The following CSMD3 variants were observed in gnomAD, a reference collection of about 807,000 sequenced individuals.
The protein encoded by CSMD3 is CUB and sushi domain-containing protein 3.
CSMD3 carries 177 observed loss-of-function variants against 435.2 expected under a neutral mutation model. The observed-to-expected ratio is 0.41, with a 90% CI of 0.36 to 0.46. CSMD3 has a LOEUF of 0.46. Among genes scored for constraint, CSMD3 ranks in the 20% least tolerant of loss-of-function variants. The pLI is 0.34. For synonymous variants in CSMD3, 1,656 were observed against 1,520.5 expected, an observed-to-expected ratio of 1.09 and a Z score of -2.07; for missense variants, 4,265 against 4,504.6, an observed-to-expected ratio of 0.95 and a Z score of 1.52.
chr8:112,490,963 T>C (rs139588538), intron 31 of CSMD3, among the ~76,000 whole-genome samples: 51 of 152,274 alleles, frequency 3.3e-4, no homozygotes, highest in Non-Finnish European at 6.6e-4. Context: ...AGATGAACCA[T>C]AAATGCAAGT....
chr8:113,434,578 C>T (rs1375019902), intron 1 of CSMD3, among the ~76,000 whole-genome samples: 5 of 152,040 alleles, frequency 3.3e-5, no homozygotes, highest in Non-Finnish European at 7.4e-5. Context: ...AGATGCCTTC[C>T]AAGTGCCCGA....
At chr8:113,180,392 A>G (rs1446439101) in intron 3 of CSMD3, among the ~76,000 whole-genome samples, 4 of 152,014 alleles carry the variant, frequency 2.6e-5, no homozygotes, top group African/African-American at 9.7e-5. Context: ...TTGAGCAAAC[A>G]TTTTATGAGT....
intron 57 of CSMD3, 111 bp from the exon 58 acceptor site, chr8:112,287,357 A>G: frequency 1.1e-6 from 1 of 901,336 alleles, no homozygotes; most frequent in African/African-American, 1.6e-5. Context: ...GTGTTTTAGC[A>G]CAGATGGAGT....
intron 3 of CSMD3, among the ~76,000 whole-genome samples, chr8:113,268,223 C>A (rs932894518): frequency 1.3e-5 from 2 of 151,812 alleles, no homozygotes; most frequent in Non-Finnish European, 3.0e-5. Flanking sequence ...GACTTAAGAG[C>A]ACTCCCCACC....
intron 32 of CSMD3, among the ~76,000 whole-genome samples, chr8:112,436,100 C>T (rs1045003229): frequency 1.3e-5 from 2 of 151,724 alleles, no homozygotes; most frequent in African/African-American, 4.8e-5. Context: ...ATCTTGGATG[C>T]TTTTAATATT....
chr8:113,436,642 A>G (rs758300504), intron 1 of CSMD3, 35 bp downstream of exon 1: 2 of 1,604,334 alleles, frequency 1.2e-6, no homozygotes, highest in South Asian at 2.2e-5. Flanking sequence ...GCCCACCTCC[A>G]TCCAAAGCGG....
chr8:113,165,856 A>C (rs2092139169), intron 4 of CSMD3, among the ~76,000 whole-genome samples: 1 of 152,052 alleles, frequency 6.6e-6, no homozygotes, highest in African/African-American at 2.4e-5. Flanking sequence ...AGAAAACACA[A>C]CTCACAAATG....
At chr8:112,612,996 T>G (rs988820829) in intron 22 of CSMD3, among the ~76,000 whole-genome samples, 2 of 151,916 alleles carry the variant, frequency 1.3e-5, no homozygotes, top group African/African-American at 2.4e-5. Flanking sequence ...CACCTTGAAT[T>G]TCTGGCTTCA....
At chr8:113,328,188 C>T (rs2093998146) in intron 1 of CSMD3, among the ~76,000 whole-genome samples, 1 of 151,996 alleles carries the variant, frequency 6.6e-6, no homozygotes, top group African/African-American at 2.4e-5. Context: ...CCTGTAATCC[C>T]AGCACTTTGG....
intron 12 of CSMD3, among the ~76,000 whole-genome samples, chr8:112,807,050 C>T (rs1305027144): frequency 1.3e-5 from 2 of 152,198 alleles, no homozygotes; most frequent in East Asian, 3.9e-4. Context: ...ATAAGATATG[C>T]TGACCCATGT....
At chr8:112,672,266 TA>T (rs1276016380) in intron 16 of CSMD3, among the ~76,000 whole-genome samples, 1 of 152,006 alleles carries the variant, frequency 6.6e-6, no homozygotes, top group Non-Finnish European at 1.5e-5. Flanking sequence ...AGGTAGGAAG[TA>T]AAAAACACTA....
At chr8:113,373,027 T>C (rs1170970543) in intron 1 of CSMD3, among the ~76,000 whole-genome samples, 2 of 152,002 alleles carry the variant, frequency 1.3e-5, no homozygotes, top group Non-Finnish European at 2.9e-5. Context: ...CTGTAAAATA[T>C]ATCTATCTAA....
At chr8:113,002,691 G>C (rs774983529) in intron 6 of CSMD3, among the ~76,000 whole-genome samples, 1 of 151,972 alleles carries the variant, frequency 6.6e-6, no homozygotes, top group South Asian at 2.1e-4. Flanking sequence ...ATGTGACTAG[G>C]TTATAACTTT....
chr8:112,831,372 T>G (rs2079867305), intron 11 of CSMD3, among the ~76,000 whole-genome samples: 1 of 151,646 alleles, frequency 6.6e-6, no homozygotes, highest in Middle Eastern at 3.4e-3. Context: ...TGAGCAGTAT[T>G]AAACATCTTT....
chr8:113,314,681 T>G lies in CSMD3; in HGVS notation c.291A>C (p.Ala97=). The part of the protein sequence containing the change: ...NGANCTWVII[A]EERNRIQIVF... ...CAATTTGTATTCTATTTCGTTCTTC[T>G]GCTATTATTACCCATGTGCAGTTTG... is the stretch of plus-strand genomic sequence containing the variant. Residue 97 remains alanine, a synonymous_variant, in exon 2 of 71, where the codon GCA becomes GCC. Coordinates refer to ENST00000297405, the MANE Select transcript of CSMD3 (RefSeq NM_198123.2). 1 of 1,611,780 alleles carries G rather than the reference T, an allele frequency of 6.2e-7. No individual in the cohort carries two copies. The highest frequency in any genetic ancestry group is 8.5e-7 in the Non-Finnish European group (1 of 1,178,092).
chr8:113,108,393 A>T (rs1237063812), intron 4 of CSMD3, among the ~76,000 whole-genome samples: 1 of 150,492 alleles, frequency 6.6e-6, no homozygotes, highest in Non-Finnish European at 1.5e-5. Flanking sequence ...GCGCCACTGC[A>T]TGCCAGCCTA....
rs2131632590 is a variant in CSMD3, at chr8:112,650,259, A to G, written c.3095T>C (p.Val1032Ala). Residue 1032 changes from valine (V) to alanine (A), a missense_variant, in exon 19 of 71, where the codon GTT (valine) becomes GCT (alanine). Val to Ala is a moderately conservative substitution (Grantham distance 64, BLOSUM62 0). This residue lies in a region of CSMD3 where 3,255 missense variants were observed against 3,380.2 expected (regional missense o/e 0.96). Transcript: ENST00000297405. ...YGHDFSIGST[V>A]SFSCDSGYRL... Reference sequence around the variant, plus strand: ...GTATCCTGAATCACAACTAAATGAAACAGTAGAGCCAATGGAGAAATCATG... The same window carrying G: ...GTATCCTGAATCACAACTAAATGAAGCAGTAGAGCCAATGGAGAAATCATG... 1.9e-6 allele frequency: 3 copies of G among 1,613,952 alleles called. No individual in the cohort carries two copies. Among genetic ancestry groups the G allele is most frequent in the Non-Finnish European group, 2.5e-6 (3 of 1,179,860 alleles).
chr8:112,247,583 A>G (rs1263029896), intron 63 of CSMD3, among the ~76,000 whole-genome samples: 1 of 152,168 alleles, frequency 6.6e-6, no homozygotes, highest in Non-Finnish European at 1.5e-5. Context: ...GATTAGAGAC[A>G]AAGGTGGTTA....
intron 65 of CSMD3, 87 bp from the exon 66 acceptor site, chr8:112,241,872 A>AGT: frequency 1.2e-6 from 1 of 857,526 alleles, no homozygotes; most frequent in South Asian, 1.3e-5. Context: ...ACACACACAC[A>AGT]GTGTGATGCA....
Sources: gnomAD v4.1 joint callset for allele counts (sites outside exome capture counted in the v4.1 genomes callset) on GRCh38, gnomAD v4.1.1 for gene constraint, gnomAD v4.1.1 regional missense constraint, MANE v1.5 for transcripts, NCBI Gene and HGNC (gene_info 2026-07-23, HGNC 2026-07-21) for gene names.